Variants in TRHDE observed in about 807,000 individuals in gnomAD.
The protein encoded by TRHDE is thyrotropin-releasing hormone-degrading ectoenzyme.
A neutral mutation model predicts 125.7 loss-of-function variants in TRHDE; 72 were observed. That is an observed-to-expected ratio of 0.57 (90% CI 0.47 to 0.70). The LOEUF is 0.70. Ranked by LOEUF, TRHDE falls within the 30% of genes least tolerant of loss-of-function variation. TRHDE has a pLI of 0.00. For synonymous variants in TRHDE, 509 were observed against 509.1 expected (o/e 1.00, Z 0.00); for missense variants, 1,110 against 1,327.1 (o/e 0.84, Z 2.54).
At chr12:72,474,732 G>A (rs774831288) in intron 5 of TRHDE, among the ~76,000 whole-genome samples, 11 of 151,910 alleles carry the variant, frequency 7.2e-5, no homozygotes, top group Non-Finnish European at 1.5e-4. Context: ...AGTAGTAATA[G>A]GCAGTTATCT....
chr12:72,209,982 TA>T (rs1877741909), intron 2 of TRHDE, among the ~76,000 whole-genome samples: 1 of 152,232 alleles, frequency 6.6e-6, no homozygotes, highest in South Asian at 2.1e-4. Flanking sequence ...TGTTGAGGCC[TA>T]AAAAAGAATA....
intron 3 of TRHDE, among the ~76,000 whole-genome samples, chr12:72,442,617 C>T (rs1875069289): frequency 6.6e-6 from 1 of 151,770 alleles, no homozygotes; most frequent in East Asian, 1.9e-4. Flanking sequence ...TTAATGCTTA[C>T]TGGACCTCCC....
chr12:72,643,120 G>A (rs1227974027), intron 15 of TRHDE, among the ~76,000 whole-genome samples: 4 of 152,112 alleles, frequency 2.6e-5, no homozygotes, highest in African/African-American at 9.7e-5. Flanking sequence ...TCTGCTGCAT[G>A]GATAAAAAAC....
intron 2 of TRHDE, among the ~76,000 whole-genome samples, chr12:72,340,995 C>G (rs1870058343): frequency 6.6e-6 from 1 of 152,114 alleles, no homozygotes; most frequent in South Asian, 2.1e-4. Context: ...GGTATTTGCC[C>G]ATTTCTTCCA....
At chr12:72,341,600 AT>A (rs1565705459) in intron 2 of TRHDE, among the ~76,000 whole-genome samples, 1 of 152,076 alleles carries the variant, frequency 6.6e-6, no homozygotes, top group African/African-American at 2.4e-5. Flanking sequence ...TGCTTTGGAA[AT>A]TTTTTTGAAA....
At chr12:72,230,714 C>A (rs756526004) in intron 2 of TRHDE, among the ~76,000 whole-genome samples, 49 of 152,036 alleles carry the variant, frequency 3.2e-4, no homozygotes, top group Non-Finnish European at 6.2e-4. Flanking sequence ...ACAGAAAGAC[C>A]CATCGACCTT....
At chr12:72,622,029 C>T (rs990099722) in intron 15 of TRHDE, among the ~76,000 whole-genome samples, 11 of 151,938 alleles carry the variant, frequency 7.2e-5, no homozygotes, top group Non-Finnish European at 1.5e-4. Flanking sequence ...GTTTTGAAAG[C>T]TCTGCTATCT....
At chr12:72,100,818 C>A (rs765984387) in intron 1 of TRHDE, among the ~76,000 whole-genome samples, 2 of 152,116 alleles carry the variant, frequency 1.3e-5, no homozygotes, top group African/African-American at 2.4e-5. Context: ...TCATTGACCC[C>A]CTCACATATA....
At chr12:72,253,591 TCTC>T (rs1203435224) in intron 2 of TRHDE, 1 of 152,062 alleles carries the variant, frequency 6.6e-6, no homozygotes, top group Non-Finnish European at 1.5e-5. Context: ...TGCTCACACA[TCTC>T]CTTTCCCCAC....
intron 2 of TRHDE, among the ~76,000 whole-genome samples, chr12:72,223,565 T>C (rs1878042125): frequency 6.6e-6 from 1 of 152,128 alleles, no homozygotes; most frequent in Non-Finnish European, 1.5e-5. Flanking sequence ...TTGTTCAGTT[T>C]TTTTAAAAAG....
At chr12:72,158,896 C>T (rs1219761711) in intron 2 of TRHDE, among the ~76,000 whole-genome samples, 1 of 152,160 alleles carries the variant, frequency 6.6e-6, no homozygotes. Context: ...AAAACCCATT[C>T]ACACAAGAGA....
At chr12:72,563,905 T>G (rs1194561910) in intron 9 of TRHDE, among the ~76,000 whole-genome samples, 1 of 152,094 alleles carries the variant, frequency 6.6e-6, no homozygotes, top group African/African-American at 2.4e-5. Flanking sequence ...TCCCATTACC[T>G]TGGAAAATTA....
chr12:72,289,846 G>A (rs1182744781), intron 2 of TRHDE, among the ~76,000 whole-genome samples: 1 of 152,146 alleles, frequency 6.6e-6, no homozygotes, highest in Non-Finnish European at 1.5e-5. Context: ...ACTTACATGA[G>A]GCATTTGCTT....
At chr12:72,528,404 A>T (rs554441847) in intron 6 of TRHDE, among the ~76,000 whole-genome samples, 1 of 152,358 alleles carries the variant, frequency 6.6e-6, no homozygotes, top group Admixed American at 6.5e-5. Flanking sequence ...GATATTAAAA[A>T]CACAAATGAT....
At chr12:72,312,360 TTTTA>T (rs1283095546) in intron 2 of TRHDE, among the ~76,000 whole-genome samples, 1 of 152,240 alleles carries the variant, frequency 6.6e-6, no homozygotes, top group African/African-American at 2.4e-5. Context: ...AGGAATCGCT[TTTTA>T]TTTTCTATAT....
chr12:72,197,243 T>TG (rs1426739291), intron 2 of TRHDE, among the ~76,000 whole-genome samples: 1 of 152,126 alleles, frequency 6.6e-6, no homozygotes, highest in African/African-American at 2.4e-5. Flanking sequence ...TTCAGGTCTT[T>TG]GCTCAAGTAT....
intron 6 of TRHDE, among the ~76,000 whole-genome samples, chr12:72,525,636 A>T (rs4104989): frequency 0.34 from 42,426 of 125,828 alleles, 7,054 homozygotes; most frequent in African/African-American, 0.53. Flanking sequence ...TGTGTGTGTG[A>T]GAGAGAGAGA....
chr12:72,438,527 G>A (rs1453204264), intron 3 of TRHDE, among the ~76,000 whole-genome samples: 2 of 151,654 alleles, frequency 1.3e-5, no homozygotes, highest in Non-Finnish European at 2.9e-5. Context: ...TTAGTGATGA[G>A]CATTTTTTCA....
intron 2 of TRHDE, among the ~76,000 whole-genome samples, chr12:72,163,361 T>A (rs1876675727): frequency 6.6e-6 from 1 of 152,230 alleles, no homozygotes; most frequent in Non-Finnish European, 1.5e-5. Context: ...ATGACGGTTC[T>A]CTTCTTGCAG....
Sources: allele counts gnomAD v4.1 joint callset (sites outside exome capture counted in the v4.1 genomes callset), GRCh38; gene constraint gnomAD v4.1.1; transcripts MANE v1.5; gene names NCBI Gene and HGNC (gene_info 2026-07-23, HGNC 2026-07-21).